The following PXDNL variants were observed in gnomAD, a reference collection of about 807,000 sequenced individuals.
PXDNL encodes peroxidasin like.
PXDNL carries 145 observed loss-of-function variants against 150.8 expected under a neutral mutation model. The observed-to-expected ratio is 0.96, with a 90% CI of 0.84 to 1.10. PXDNL has a LOEUF of 1.10. Among genes scored for constraint, PXDNL ranks in the 50% least tolerant of loss-of-function variants. The pLI, the probability that PXDNL is intolerant of heterozygous loss-of-function variation, is 0.00. For missense variants in PXDNL, 2,087 were observed against 1,873.9 expected (o/e 1.11, Z -2.10); for synonymous variants, 757 against 725.7 (o/e 1.04, Z -0.69).
intron 2 of PXDNL, among the ~76,000 whole-genome samples, chr8:51,614,062 C>T (rs1231543578): frequency 6.6e-6 from 1 of 152,112 alleles, no homozygotes; most frequent in East Asian, 1.9e-4. Flanking sequence ...ATTTTGTACG[C>T]TATTGACTAA....
chr8:51,738,675 C>T (rs2036866976), intron 1 of PXDNL, among the ~76,000 whole-genome samples: 1 of 151,978 alleles, frequency 6.6e-6, no homozygotes, highest in South Asian at 2.1e-4. Flanking sequence ...TCACAAACTA[C>T]CAAAACTCAA....
intron 1 of PXDNL, among the ~76,000 whole-genome samples, chr8:51,718,771 C>T (rs960673086): frequency 1.1e-4 from 16 of 152,140 alleles, no homozygotes; most frequent in Admixed American, 3.3e-4. Context: ...GCCTCTTGGC[C>T]CCTCTGTGGT....
intron 21 of PXDNL, among the ~76,000 whole-genome samples, chr8:51,326,524 G>A (rs1388666956): frequency 6.6e-6 from 1 of 152,064 alleles, no homozygotes; most frequent in East Asian, 1.9e-4. Context: ...AGAAAAATAA[G>A]CAGGAGGCAA....
At chr8:51,333,884 C>T (rs1325511597) in intron 21 of PXDNL, among the ~76,000 whole-genome samples, 1 of 152,128 alleles carries the variant, frequency 6.6e-6, no homozygotes, top group Non-Finnish European at 1.5e-5. Flanking sequence ...GACTTCAATA[C>T]TCTACTGACA....
intron 19 of PXDNL, among the ~76,000 whole-genome samples, chr8:51,358,212 A>C (rs188119842): frequency 6.6e-6 from 1 of 152,346 alleles, no homozygotes; most frequent in East Asian, 1.9e-4. Flanking sequence ...ATAGATTCTC[A>C]GATGATGTGG....
At chr8:51,680,334 T>C (rs1245149272) in intron 1 of PXDNL, among the ~76,000 whole-genome samples, 1 of 152,154 alleles carries the variant, frequency 6.6e-6, no homozygotes, top group African/African-American at 2.4e-5. Context: ...GTAATACTCT[T>C]TGCTTGGCTC....
intron 1 of PXDNL, among the ~76,000 whole-genome samples, chr8:51,746,607 G>C (rs955738376): frequency 1.3e-5 from 2 of 152,158 alleles, no homozygotes; most frequent in Non-Finnish European, 2.9e-5. Flanking sequence ...TACACATGTA[G>C]CGTTTATCTC....
chr8:51,477,327 T>C (rs2130131364), intron 6 of PXDNL, among the ~76,000 whole-genome samples: 1 of 152,338 alleles, frequency 6.6e-6, no homozygotes. Context: ...ACACATATTA[T>C]TTGCTTAATG....
chr8:51,636,669 TA>T (rs1338577458), intron 2 of PXDNL, among the ~76,000 whole-genome samples: 1 of 152,194 alleles, frequency 6.6e-6, no homozygotes, highest in Non-Finnish European at 1.5e-5. Context: ...CAAACATTGC[TA>T]AAAGAATAAG....
chr8:51,443,484 T>A (rs1446174061), intron 12 of PXDNL, among the ~76,000 whole-genome samples: 1 of 152,162 alleles, frequency 6.6e-6, no homozygotes, highest in African/African-American at 2.4e-5. Flanking sequence ...CCTTTACTTT[T>A]AAAAATTATT....
chr8:51,415,914 A>G (rs1357209488), intron 14 of PXDNL, among the ~76,000 whole-genome samples: 1 of 152,206 alleles, frequency 6.6e-6, no homozygotes, highest in Non-Finnish European at 1.5e-5. Context: ...AGAAAACAAT[A>G]CTATAAACAT....
intron 12 of PXDNL, among the ~76,000 whole-genome samples, chr8:51,445,381 C>T (rs1051946129): frequency 2.6e-5 from 4 of 152,230 alleles, no homozygotes; most frequent in African/African-American, 9.6e-5. Context: ...TGGTGCCACA[C>T]TTAGGGCTCT....
At chr8:51,454,589 A>C (rs1425463281) in intron 9 of PXDNL, among the ~76,000 whole-genome samples, 1 of 152,208 alleles carries the variant, frequency 6.6e-6, no homozygotes, top group Non-Finnish European at 1.5e-5. Context: ...ATCTCAAGCA[A>C]AAATTAAATA....
intron 5 of PXDNL, among the ~76,000 whole-genome samples, chr8:51,491,920 G>A (rs1358431640): frequency 6.6e-6 from 1 of 152,200 alleles, no homozygotes; most frequent in Admixed American, 6.5e-5. Context: ...CTGGCTCCCT[G>A]CTCACACAGG....
intron 12 of PXDNL, among the ~76,000 whole-genome samples, chr8:51,433,517 T>C (rs943223043): frequency 4.6e-5 from 7 of 152,110 alleles, no homozygotes; most frequent in African/African-American, 1.7e-4. Context: ...AGTTAATTTG[T>C]AATGTATTTC....
At chr8:51,636,839 G>C (rs1411765231) in intron 2 of PXDNL, among the ~76,000 whole-genome samples, 1 of 151,032 alleles carries the variant, frequency 6.6e-6, no homozygotes, top group Non-Finnish European at 1.5e-5. Context: ...AACCTGTCCT[G>C]AGTAGTGGTT....
chr8:51,624,441 C>T (rs1814324236), intron 2 of PXDNL, among the ~76,000 whole-genome samples: 9 of 152,102 alleles, frequency 5.9e-5, no homozygotes, highest in Admixed American at 5.9e-4. Context: ...TTTCACATTG[C>T]TACTAATCAT....
chr8:51,506,766 T>C (rs942749310), intron 4 of PXDNL, among the ~76,000 whole-genome samples: 4 of 152,100 alleles, frequency 2.6e-5, no homozygotes, highest in Non-Finnish European at 5.9e-5. Context: ...CCTGGAAAAA[T>C]GCAGATTAGA....
chr8:51,472,442 T>C, intron 7 of PXDNL, 138 bp from the exon 8 acceptor site: 1 of 600,316 alleles, frequency 1.7e-6, no homozygotes. Flanking sequence ...TACCCGGTAA[T>C]ACATGTACCA....
Sources: gnomAD v4.1 joint callset for allele counts (sites outside exome capture counted in the v4.1 genomes callset) on GRCh38, gnomAD v4.1.1 for gene constraint, MANE v1.5 for transcripts, NCBI Gene and HGNC (gene_info 2026-07-23, HGNC 2026-07-21) for gene names.